The following HIBADH variants were observed in gnomAD, a reference collection of about 807,000 sequenced individuals.
HIBADH encodes 3-hydroxyisobutyrate dehydrogenase, mitochondrial.
In HIBADH, 25 loss-of-function variants were observed where a neutral mutation model predicts 36.1. The observed-to-expected ratio is 0.69, with a 90% confidence interval of 0.50 to 0.97. The LOEUF (loss-of-function observed/expected upper bound fraction) is 0.97, where lower values mean the gene tolerates loss of function less well. Ranked by LOEUF, HIBADH falls within the 50% of genes least tolerant of loss-of-function variation. HIBADH has a pLI of 0.00. For missense variants in HIBADH, 421 were observed against 418.0 expected (o/e 1.01, Z -0.06); for synonymous variants, 160 against 149.5 (o/e 1.07, Z -0.51).
intron 1 of HIBADH, among the ~76,000 whole-genome samples, chr7:27,661,507 G>T (rs957579914): frequency 2.1e-5 from 3 of 145,894 alleles, no homozygotes; most frequent in Non-Finnish European, 4.5e-5. Flanking sequence ...AGGATCACCT[G>T]AGCCCAGGAG....
chr7:27,583,667 T>C (rs1375622720), intron 4 of HIBADH, among the ~76,000 whole-genome samples: 1 of 152,036 alleles, frequency 6.6e-6, no homozygotes, highest in Non-Finnish European at 1.5e-5. Flanking sequence ...TCTCCCTTAT[T>C]GGACATTTGG....
intron 4 of HIBADH, among the ~76,000 whole-genome samples, chr7:27,582,218 CAA>C (rs907305593): frequency 2.8e-4 from 42 of 152,056 alleles, no homozygotes; most frequent in African/African-American, 1.0e-3. Flanking sequence ...CTCTGAAATG[CAA>C]AAGAGTTTTT....
At chr7:27,556,776 T>C (rs998845421) in intron 4 of HIBADH, among the ~76,000 whole-genome samples, 4 of 152,340 alleles carry the variant, frequency 2.6e-5, no homozygotes, top group East Asian at 1.9e-4. Context: ...ACAAATATGA[T>C]GCTGTTTTAA....
At chr7:27,652,974 C>T (rs1786224832) in intron 1 of HIBADH, among the ~76,000 whole-genome samples, 1 of 151,908 alleles carries the variant, frequency 6.6e-6, no homozygotes, top group African/African-American at 2.4e-5. Flanking sequence ...ACTAAAAATA[C>T]AAAAATTATC....
intron 2 of HIBADH, among the ~76,000 whole-genome samples, chr7:27,641,734 C>G (rs1386914947): frequency 6.6e-6 from 1 of 152,006 alleles, no homozygotes; most frequent in Non-Finnish European, 1.5e-5. Context: ...GGCCACTGTT[C>G]AAAACACTCT....
chr7:27,615,904 A>G (rs932905063), intron 4 of HIBADH, among the ~76,000 whole-genome samples: 1 of 152,190 alleles, frequency 6.6e-6, no homozygotes, highest in Non-Finnish European at 1.5e-5. Context: ...GCCCCTGAAG[A>G]CCTTTCCAGT....
chr7:27,601,483 TA>T (rs991623027), intron 4 of HIBADH, among the ~76,000 whole-genome samples: 4 of 151,772 alleles, frequency 2.6e-5, no homozygotes, highest in African/African-American at 7.3e-5. Context: ...ATAAACGTGC[TA>T]AAAAAAAGCT....
chr7:27,609,673 C>T (rs1379095663), intron 4 of HIBADH, among the ~76,000 whole-genome samples: 1 of 152,076 alleles, frequency 6.6e-6, no homozygotes, highest in East Asian at 1.9e-4. Flanking sequence ...AATAGCAAGT[C>T]AGACCAAGGA....
rs147056322 is a variant in HIBADH, at chr7:27,604,157, AC to A, written c.484+25213del. ...AATGCTTCATTACTAAATAACATAT[AC>A]CCTAACAAGTAAGAATTGTTTTTCT... On this transcript the variant is annotated intron_variant, in intron 4 of 7. Coordinates refer to ENST00000265395, the MANE Select transcript of HIBADH (RefSeq NM_152740.4). 4.8e-3 allele frequency among the ~76,000 whole-genome samples: 727 copies of A among 152,224 alleles called. 6 individuals carry two copies. The highest frequency in any genetic ancestry group is 0.017 in the African/African-American group (700 of 41,538).
At chr7:27,625,537 G>A (rs1785624659) in intron 4 of HIBADH, among the ~76,000 whole-genome samples, 1 of 151,934 alleles carries the variant, frequency 6.6e-6, no homozygotes, top group African/African-American at 2.4e-5. Context: ...TCTCATCAGA[G>A]AGAAAAGAAA....
Position 27,547,556 on chromosome 7 carries a change from C to T in HIBADH, c.485-4456G>A, listed in dbSNP as rs191535813. 2.5e-3 allele frequency among the ~76,000 whole-genome samples: 373 copies of T among 152,216 alleles called. 1 individual carries two copies. Among genetic ancestry groups the T allele is most frequent in the Admixed American group, 3.5e-3 (53 of 15,272 alleles). On this transcript the variant is annotated intron_variant, in intron 4 of 7. Transcript: ENST00000265395. ...AGGAGGCAAGAGAGAAGGAAAGTCT[C>T]AAGGAAACAGACAACGACTGTAATA... is the stretch of plus-strand genomic sequence containing the variant.
At chr7:27,609,708 T>A (rs1041184203) in intron 4 of HIBADH, among the ~76,000 whole-genome samples, 14 of 152,322 alleles carry the variant, frequency 9.2e-5, no homozygotes, top group Admixed American at 3.9e-4. Context: ...TTAATTTTTT[T>A]AAGATAATGT....
intron 2 of HIBADH, among the ~76,000 whole-genome samples, chr7:27,640,300 G>A (rs914713432): frequency 1.3e-5 from 2 of 152,198 alleles, no homozygotes; most frequent in African/African-American, 4.8e-5. Flanking sequence ...GGAGGCCAAG[G>A]TGGGCTGATC....
intron 5 of HIBADH, among the ~76,000 whole-genome samples, chr7:27,539,318 C>A (rs945244010): frequency 6.6e-6 from 1 of 152,002 alleles, no homozygotes; most frequent in Non-Finnish European, 1.5e-5. Context: ...AAATGAAGGT[C>A]AACAATGAGA....
intron 1 of HIBADH, among the ~76,000 whole-genome samples, chr7:27,655,796 G>C (rs1033491332): frequency 1.3e-5 from 2 of 151,760 alleles, no homozygotes; most frequent in Non-Finnish European, 1.5e-5. Context: ...CATAATTAGA[G>C]AAATGCAAAA....
chr7:27,575,020 C>G (rs927644146), intron 4 of HIBADH, among the ~76,000 whole-genome samples: 3 of 151,852 alleles, frequency 2.0e-5, no homozygotes, highest in Non-Finnish European at 4.4e-5. Flanking sequence ...AAAGGCTTAT[C>G]TTATCTTTTG....
intron 4 of HIBADH, among the ~76,000 whole-genome samples, chr7:27,577,085 A>G (rs972223236): frequency 4.6e-5 from 7 of 152,214 alleles, no homozygotes; most frequent in Admixed American, 2.0e-4. Context: ...AATTTTTCTT[A>G]AAGAGATTTC....
At chr7:27,620,151 C>T (rs1046340509) in intron 4 of HIBADH, among the ~76,000 whole-genome samples, 4 of 152,090 alleles carry the variant, frequency 2.6e-5, no homozygotes, top group East Asian at 1.9e-4. Context: ...GAGATTCCAT[C>T]ACTACAAAAC....
At chr7:27,581,027 C>A (rs1784779114) in intron 4 of HIBADH, among the ~76,000 whole-genome samples, 1 of 152,108 alleles carries the variant, frequency 6.6e-6, no homozygotes. Flanking sequence ...AAGGAAAGGT[C>A]ATCAGCTGAC....
Sources: gnomAD v4.1 joint callset for allele counts (sites outside exome capture counted in the v4.1 genomes callset) on GRCh38, gnomAD v4.1.1 for gene constraint, MANE v1.5 for transcripts, NCBI Gene and HGNC (gene_info 2026-07-23, HGNC 2026-07-21) for gene names.